POLRMT: variants seen among roughly 807,000 people sequenced by gnomAD.
POLRMT encodes DNA-directed RNA polymerase, mitochondrial.
In POLRMT, 114 loss-of-function variants were observed where a neutral mutation model predicts 132.2. The observed-to-expected ratio is 0.86, with a 90% CI of 0.74 to 1.01. POLRMT has a LOEUF of 1.01. Ranked by LOEUF, POLRMT falls within the 50% of genes least tolerant of loss-of-function variation. The probability of loss-of-function intolerance (pLI) is 0.00; values close to 1 mark genes in which losing one functional copy is unlikely to be tolerated. For synonymous variants in POLRMT, 1,020 were observed against 773.4 expected (o/e 1.32, Z -5.29); for missense variants, 2,003 against 1,729.1 (o/e 1.16, Z -2.81).
intron 1 of POLRMT, 192 bp downstream of exon 1, chr19:633,233 T>A: frequency 4.3e-6 from 3 of 699,954 alleles, no homozygotes; most frequent in East Asian, 6.8e-5. Context: ...AAACCACGAG[T>A]CAAAGGTCAG....
At position 623,412 on chromosome 19, in the gene POLRMT, T is replaced by C. The variant is rs914171619; in HGVS notation, c.1290+42A>G. ...CGTGCGGTGGACACGCGACCCCGGCTCAGCCCCTGCGGCGGACACGGGACC... is the reference window on the plus strand; with the variant it reads ...CGTGCGGTGGACACGCGACCCCGGCCCAGCCCCTGCGGCGGACACGGGACC... On this transcript the variant is annotated intron_variant, in intron 6 of 20. Transcript: ENST00000588649. 1.9e-6 allele frequency: 3 copies of C among 1,599,314 alleles called. No homozygotes were observed. In the African/African-American group the frequency reaches 4.0e-5, roughly 21 times the overall value.
rs893053118 is a variant in POLRMT at position 619,635 on chromosome 19, C to T, written c.3017G>A (p.Gly1006Glu). 3.7e-6 allele frequency: 6 copies of T among 1,610,718 alleles called. No individual in the cohort carries two copies. The highest frequency in any genetic ancestry group is 5.1e-6 in the Non-Finnish European group (6 of 1,179,662). ...GAGGCGCTTCTCAATCTGCAGGCGC[C>T]CGCCATAGCGCGTGACCCCGTACAC... ...TVVYGVTRYG[G>E]RLQIEKRLRE... Residue 1006 changes from glycine (G) to glutamate (E), a missense_variant, in exon 13 of 21, where the codon GGG becomes GAG. By Grantham distance (98) the Gly-to-Glu change is moderately conservative (BLOSUM62 -2). Transcript: ENST00000588649.
intron 9 of POLRMT, 149 bp from the exon 10 acceptor site, chr19:621,995 G>T: frequency 8.4e-7 from 1 of 1,186,086 alleles, no homozygotes; most frequent in Non-Finnish European, 1.2e-6. Flanking sequence ...AGAAACGGCC[G>T]GACACCTGCA....
chr19:619,788 GC>G, intron 12 of POLRMT, 23 bp from the exon 13 acceptor site: 1 of 1,552,622 alleles, frequency 6.4e-7, no homozygotes, highest in Non-Finnish European at 8.7e-7. Context: ...TGGGCCGGGG[GC>G]GCGGGTCAGC....
chr19:624,465 G>A lies in POLRMT; in HGVS notation c.1140+254C>T, dbSNP rs927653751. Among the ~76,000 whole-genome samples, 189 of 152,112 alleles carry A rather than the reference G, an allele frequency of 1.2e-3. 1 individual carries two copies. Among genetic ancestry groups the A allele is most frequent in the African/African-American group, 3.7e-3 (154 of 41,414 alleles). ...GTGCACCTGGCAGCCCCACTCAAAC[G>A]CACTGCTCTCCTGTCACCCCACCCT... On this transcript the variant is annotated intron_variant, in intron 5 of 20. Transcript: ENST00000588649.
rs554189114 is a variant in POLRMT, at chr19:621,730, T to C, written c.1968A>G (p.Thr656=). ...VPMLCPPLPW[T]SPHSGAFLLS... ...GCAGGAAAGCACCAGAGTGCGGCGA[T>C]GTCCAGGGCAGCGGGGGGCAAAGCA... The change falls in exon 10 of 21, where the codon ACA becomes ACG. Residue 656 remains threonine, a synonymous_variant. Transcript: ENST00000588649. The C allele has an allele frequency of 3.8e-6, 6 of 1,599,302 alleles. No individual in the cohort carries two copies. The highest frequency in any genetic ancestry group is 1.7e-5 in the Admixed American group (1 of 59,774).
At chr19:622,475 T>C (rs1042947619) in intron 8 of POLRMT, 102 bp from the exon 9 acceptor site, 5 of 1,465,112 alleles carry the variant, frequency 3.4e-6, no homozygotes, top group Admixed American at 2.4e-5. Context: ...AGCCCAAGCA[T>C]ACAGATGAAC....
rs1984067022 is a variant in POLRMT at position 617,462 on chromosome 19, C to A, written c.3600G>T (p.Glu1200Asp). ...RFCSEPQKIL[E>D]ASQLKETLQA... ...GCAGTGTCTCCTTCAGCTGGCTGGC[C>A]TCCAAGATCTTCTGGGGCCTGGGGT... is the stretch of plus-strand genomic sequence containing the variant. The change falls in exon 20 of 21, where the codon GAG (glutamate) becomes GAT (aspartate). Residue 1200 changes from glutamate (E) to aspartate (D), a missense_variant. Coordinates refer to ENST00000588649, the MANE Select transcript of POLRMT (RefSeq NM_005035.4). 1.9e-6 allele frequency: 3 copies of A among 1,611,658 alleles called. No homozygotes were observed. The African/African-American group carries it at 4.0e-5, about 22-fold the overall frequency.
chr19:622,189 G>A lies in POLRMT; in HGVS notation c.1811C>T (p.Pro604Leu), dbSNP rs1021279011. The A allele has an allele frequency of 5.1e-6, 8 of 1,577,150 alleles. No individual in the cohort carries two copies. In the Admixed American group the frequency reaches 7.2e-5, roughly 14 times the overall value. ...GAAGGAATACACGTGGTAGAGCACGGGGACAAGCCGAGAGGAACGATGCGG... is the reference window on the plus strand; with the variant it reads ...GAAGGAATACACGTGGTAGAGCACGAGGACAAGCCGAGAGGAACGATGCGG... ...DKPHRSSRLV[P>L]VLYHVYSFRN... The change falls in exon 9 of 21, where the codon CCC (proline) becomes CTC (leucine). Residue 604 changes from proline to leucine, a missense_variant. Transcript: ENST00000588649.
At chr19:620,681 C>T (rs1305604104) in intron 10 of POLRMT, among the ~76,000 whole-genome samples, 194 bp from the exon 11 acceptor site, 2 of 139,720 alleles carry the variant, frequency 1.4e-5, no homozygotes, top group African/African-American at 5.4e-5. Context: ...ATGGGAGCTG[C>T]GGGTGGACCG....
At position 617,789 on chromosome 19, in the gene POLRMT, GGAGACATCAGCTGCGT is replaced by G; in HGVS notation, c.3467_3482del (p.His1156ProfsTer3). The G allele has an allele frequency of 6.2e-7, 1 of 1,613,348 alleles. No individual in the cohort carries two copies. On this transcript the variant is annotated frameshift_variant, in exon 18 of 21. Coordinates refer to ENST00000588649, the MANE Select transcript of POLRMT (RefSeq NM_005035.4). LOFTEE classifies it high-confidence loss of function. ...ACTACGGGGGCACCTGGTTCATGAC[GGAGACATCAGCTGCGT>G]GAGTCCAGTAACAGTCGTGCACAGA...
rs745808598 is a variant in POLRMT at position 622,373 on chromosome 19, C to A, written c.1627G>T (p.Val543Leu). The change falls in exon 9 of 21, where the codon GTG (valine) becomes TTG (leucine). Residue 543 changes from valine to leucine, a missense_variant and splice_region_variant. Coordinates refer to ENST00000588649, the MANE Select transcript of POLRMT (RefSeq NM_005035.4). ...TGCCGCGGCAGGCAGGGCTCGGGCA[C>A]CTGTAGGACAGGGCGGTCAGGGCGC... Reference protein sequence around the residue: ...YLCLLASDAEVPEPCLPRQYW... With the variant: ...YLCLLASDAELPEPCLPRQYW... The A allele has an allele frequency of 2.6e-6, 4 of 1,546,688 alleles. No homozygotes were observed. The highest frequency in any genetic ancestry group is 2.4e-5 in the South Asian group (2 of 84,480).
chr19:624,697 G>C, intron 5 of POLRMT, 22 bp downstream of exon 5: 3 of 1,604,856 alleles, frequency 1.9e-6, no homozygotes, highest in Non-Finnish European at 1.7e-6. Flanking sequence ...ACTGAAGTCT[G>C]CCGGGGCCCA....
At chr19:630,227 C>T in intron 2 of POLRMT, 59 bp from the exon 3 acceptor site, 1 of 1,515,398 alleles carries the variant, frequency 6.6e-7, no homozygotes, top group Non-Finnish European at 8.8e-7. Flanking sequence ...GAGCACCCGT[C>T]TCTCTGGACC....
Position 617,427 on chromosome 19 carries a change from G to A in POLRMT, c.3635C>T (p.Pro1212Leu). ...GCTGCCCACCCGCCTACCTGGCTTG[G>A]GCACCGCCTGCAGTGTCTCCTTCAG... ...SQLKETLQAV[P>L]KPGAFDLEQV... The change falls in exon 20 of 21, where the codon CCC becomes CTC. Residue 1212 changes from proline (P) to leucine (L), a missense_variant. By Grantham distance (98) the Pro-to-Leu change is moderately conservative. Coordinates refer to ENST00000588649, the MANE Select transcript of POLRMT (RefSeq NM_005035.4). 1 of 1,612,214 alleles carries A rather than the reference G, an allele frequency of 6.2e-7. No homozygotes were observed. Among genetic ancestry groups the A allele is most frequent in the South Asian group, 1.1e-5 (1 of 91,058 alleles).
intron 18 of POLRMT, 44 bp downstream of exon 18, chr19:617,733 G>T (rs1173843320): frequency 6.2e-7 from 1 of 1,610,590 alleles, no homozygotes; most frequent in Non-Finnish European, 8.5e-7. Flanking sequence ...CCCAGTGTGG[G>T]GGCCCCACCC....
In POLRMT at chr19:633,480, C is replaced by A; in HGVS notation, c.33G>T (p.Ala11=). ...AAGGCCGTAGGGCTCGTTTGAGCCC[C>A]GCCGCTCCGCGGCCCCAGCAAAGTG... MSALCWGRGA[A]GLKRALRPCG... Residue 11 remains alanine (A), a synonymous_variant, in exon 1 of 21, where the codon GCG becomes GCT. Transcript: ENST00000588649. 1 of 1,559,968 alleles carries A rather than the reference C, an allele frequency of 6.4e-7. No homozygotes were observed. Among genetic ancestry groups the A allele is most frequent in the Non-Finnish European group, 8.7e-7 (1 of 1,155,088 alleles).
At position 619,811 on chromosome 19, in the gene POLRMT, C is replaced by T. The variant is rs368506510; in HGVS notation, c.2887-46G>A. On this transcript the variant is annotated intron_variant, in intron 12 of 20. Transcript: ENST00000588649. ...GGGCGCGGGTCAGCCCCGCTAGCAG[C>T]CCAGGGGCCACCAAGCACCCATGAA... is the stretch of plus-strand genomic sequence containing the variant. 2.3e-5 allele frequency: 36 copies of T among 1,550,736 alleles called. No individual in the cohort carries two copies. The African/African-American group carries it at 3.5e-4, about 15-fold the overall frequency.
In POLRMT at chr19:621,904, C is replaced by G. The variant is rs922920294; in HGVS notation, c.1852-58G>C. 217 of 1,570,102 alleles carry G rather than the reference C, an allele frequency of 1.4e-4. 1 individual carries two copies. Among genetic ancestry groups the G allele is most frequent in the Middle Eastern group, 1.0e-3 (6 of 5,920 alleles). On this transcript the variant is annotated intron_variant, in intron 9 of 20. Transcript: ENST00000588649. ...CGGTGCTGGGGCTTTCCTGTTCCCA[C>G]CCCTTAAACTTGGGTGAGAGGGGCC...
Sources: allele counts gnomAD v4.1 joint callset (sites outside exome capture counted in the v4.1 genomes callset), GRCh38; gene constraint gnomAD v4.1.1; transcripts MANE v1.5; gene names NCBI Gene and HGNC (gene_info 2026-07-23, HGNC 2026-07-21).